HLA-DPB1: variants seen among roughly 807,000 people sequenced by gnomAD.
The protein encoded by HLA-DPB1 is major histocompatibility complex, class II, DP beta 1.
Under a neutral mutation model 29.4 loss-of-function variants are expected in HLA-DPB1, and 30 were observed. The ratio of observed to expected loss-of-function variants is 1.02; its 90% CI spans 0.76 to 1.38. The LOEUF is 1.38. HLA-DPB1 is among the 40% of genes most tolerant of loss of function. The pLI, the probability that HLA-DPB1 is intolerant of heterozygous loss-of-function variation, is 0.00. For missense variants in HLA-DPB1, 261 were observed against 327.5 expected, an observed-to-expected ratio of 0.80 and a Z score of 1.57; for synonymous variants, 114 against 134.0, an observed-to-expected ratio of 0.85 and a Z score of 1.03.
chr6:33,077,446 G>C (rs1275120352), intron 1 of HLA-DPB1, among the ~76,000 whole-genome samples: 1 of 152,086 alleles, frequency 6.6e-6, no homozygotes, highest in African/African-American at 2.4e-5. Flanking sequence ...TAATGGGATG[G>C]CTGGGTCAAA....
At chr6:33,082,500 C>A (rs190170242) in intron 2 of HLA-DPB1, among the ~76,000 whole-genome samples, 57 of 152,068 alleles carry the variant, frequency 3.7e-4, no homozygotes, top group African/African-American at 1.3e-3. Context: ...TCCCATGTAG[C>A]CAGATAAGTA....
At chr6:33,081,434 C>T (rs928976) in intron 2 of HLA-DPB1, among the ~76,000 whole-genome samples, 61,519 of 151,542 alleles carry the variant, frequency 0.41, 14,398 homozygotes, top group East Asian at 0.64. Context: ...AGCAAAGGAC[C>T]GGATCCTGGG....
chr6:33,085,878 G>A lies in HLA-DPB1; in HGVS notation c.746G>A (p.Arg249Lys). 1 of 1,610,620 alleles carries A rather than the reference G, an allele frequency of 6.2e-7. No homozygotes were observed. Residue 249 changes from arginine to lysine, a missense_variant, in exon 4 of 6, where the codon AGG (arginine) becomes AAG (lysine). Physicochemically the swap from Arg to Lys is conservative, Grantham distance 26. Transcript: ENST00000418931. ...GGAGTGGGCATCTTCATGCACAGGA[G>A]GAGCAAGAAAGGTGAGAAAGCCTGC... ...ICGVGIFMHR[R>K]SKKVQRGSA
chr6:33,084,869 GA>G (rs1763023107), intron 2 of HLA-DPB1, 80 bp from the exon 3 acceptor site: 1 of 447,138 alleles, frequency 2.2e-6, no homozygotes, highest in South Asian at 3.2e-5. Flanking sequence ...AGGAAGGAAG[GA>G]AGGAAGGAAG....
At chr6:33,083,332 A>T (rs1441605140) in intron 2 of HLA-DPB1, among the ~76,000 whole-genome samples, 1 of 152,210 alleles carries the variant, frequency 6.6e-6, no homozygotes, top group Non-Finnish European at 1.5e-5. Context: ...AGGGACCTAG[A>T]AGACTAATTT....
chr6:33,076,379 G>GTTTGCT (rs9282410), intron 1 of HLA-DPB1, among the ~76,000 whole-genome samples: 2 of 151,638 alleles, frequency 1.3e-5, no homozygotes, highest in Admixed American at 6.6e-5. Flanking sequence ...CCAGTGGTCA[G>GTTTGCT]TGTCTTTGGG....
At position 33,087,629 on chromosome 6, in the gene HLA-DPB1, T is replaced by C. The variant is rs2150380193; in HGVS notation, c.*1095T>C. ...TCTTACAAGCATCTTCTGGGCCTTG[T>C]GTGTCCCTGGGCACCTGTCCCTGGT... On this transcript the variant is annotated 3_prime_UTR_variant, in exon 6 of 6. Coordinates refer to ENST00000418931, the MANE Select transcript of HLA-DPB1 (RefSeq NM_002121.6). 6.6e-6 allele frequency among the ~76,000 whole-genome samples: 1 copy of C among 152,344 alleles called. No individual in the cohort carries two copies. The highest frequency in any genetic ancestry group is 1.5e-5 in the Non-Finnish European group (1 of 68,038).
intron 2 of HLA-DPB1, among the ~76,000 whole-genome samples, chr6:33,082,919 C>T (rs912120082): frequency 2.0e-5 from 3 of 152,202 alleles, no homozygotes; most frequent in Admixed American, 6.5e-5. Flanking sequence ...GATGTGGCTC[C>T]AGGCTGACCT....
intron 1 of HLA-DPB1, chr6:33,079,735 T>C: frequency 2.0e-6 from 1 of 509,786 alleles, no homozygotes; most frequent in South Asian, 1.4e-5. Flanking sequence ...GCAACAAATC[T>C]TACTGTGCTG....
chr6:33,078,901 G>A (rs1185506139), intron 1 of HLA-DPB1, among the ~76,000 whole-genome samples: 2 of 152,200 alleles, frequency 1.3e-5, no homozygotes, highest in East Asian at 3.8e-4. Flanking sequence ...AGGCAGGGGC[G>A]GATGGATGGC....
intron 5 of HLA-DPB1, 84 bp downstream of exon 5, chr6:33,086,326 TC>T: frequency 9.3e-7 from 1 of 1,073,304 alleles, no homozygotes; most frequent in Non-Finnish European, 1.5e-6. Context: ...CTGAGGCTCC[TC>T]CAGGAAGGGA....
At chr6:33,079,857 G>T in intron 1 of HLA-DPB1, 1 of 335,610 alleles carries the variant, frequency 3.0e-6, no homozygotes, top group South Asian at 2.5e-5. Flanking sequence ...AAGAAAATGA[G>T]TAGAAAGTTC....
chr6:33,086,502 CT>C (rs1763112393), intron 5 of HLA-DPB1, 36 bp from the exon 6 acceptor site: 1 of 682,444 alleles, frequency 1.5e-6, no homozygotes, highest in South Asian at 1.5e-5. Context: ...AGGAAGGAGG[CT>C]GGCAACCTGG....
intron 2 of HLA-DPB1, among the ~76,000 whole-genome samples, chr6:33,081,742 A>G (rs1244463954): frequency 2.0e-5 from 3 of 151,956 alleles, no homozygotes; most frequent in African/African-American, 7.3e-5. Context: ...GCTGAGATGG[A>G]TTTTACTTGT....
At chr6:33,082,985 A>G (rs1279456168) in intron 2 of HLA-DPB1, among the ~76,000 whole-genome samples, 1 of 152,256 alleles carries the variant, frequency 6.6e-6, no homozygotes, top group Non-Finnish European at 1.5e-5. Flanking sequence ...CTGGGACCTT[A>G]AAACAGATAC....
At chr6:33,086,300 T>C in intron 5 of HLA-DPB1, 58 bp downstream of exon 5, 2 of 1,271,408 alleles carry the variant, frequency 1.6e-6, no homozygotes, top group Non-Finnish European at 2.3e-6. Flanking sequence ...ATGAGTCCTT[T>C]CTGTGCATTG....
At chr6:33,085,286 G>A in intron 3 of HLA-DPB1, 55 bp downstream of exon 3, 1 of 1,450,104 alleles carries the variant, frequency 6.9e-7, no homozygotes, top group Non-Finnish European at 9.4e-7. Context: ...GGACTCTCTG[G>A]CTCTGGGGTC....
At chr6:33,083,838 G>A (rs937309331) in intron 2 of HLA-DPB1, 2 of 152,252 alleles carry the variant, frequency 1.3e-5, no homozygotes, top group African/African-American at 4.8e-5. Context: ...CAGTGGCAGT[G>A]TGGAAATTCA....
chr6:33,088,961 C>T lies in HLA-DPB1; in HGVS notation c.*2427C>T, dbSNP rs9277560. ...TTTTCTACCCCTCACAGTTCCCTAACGAGAAGGTGGTCCACCCAACAGACA... is the reference window on the plus strand; with the variant it reads ...TTTTCTACCCCTCACAGTTCCCTAATGAGAAGGTGGTCCACCCAACAGACA... On this transcript the variant is annotated 3_prime_UTR_variant, in exon 6 of 6. Coordinates refer to ENST00000418931, the MANE Select transcript of HLA-DPB1 (RefSeq NM_002121.6). Among the ~76,000 whole-genome samples, 1 of 151,942 alleles carries T rather than the reference C, an allele frequency of 6.6e-6. No homozygotes were observed. Among genetic ancestry groups the T allele is most frequent in the South Asian group, 2.1e-4 (1 of 4,814 alleles).
Sources: gnomAD v4.1 joint callset for allele counts (sites outside exome capture counted in the v4.1 genomes callset) on GRCh38, gnomAD v4.1.1 for gene constraint, MANE v1.5 for transcripts, NCBI Gene and HGNC (gene_info 2026-07-23, HGNC 2026-07-21) for gene names.